The following CC2D2A variants were observed in gnomAD, a reference collection of about 807,000 sequenced individuals.
The protein encoded by CC2D2A is coiled-coil and C2 domain-containing protein 2A.
In CC2D2A, 155 loss-of-function variants were observed where a neutral mutation model predicts 212.9. The ratio of observed to expected loss-of-function variants is 0.73; its 90% CI spans 0.64 to 0.83. The LOEUF is 0.83. Among genes scored for constraint, CC2D2A ranks in the 40% least tolerant of loss-of-function variants. CC2D2A has a pLI of 0.00. For synonymous variants in CC2D2A, 667 were observed against 686.5 expected (o/e 0.97, Z 0.44); for missense variants, 1,856 against 1,956.2 (o/e 0.95, Z 0.97).
chr4:15,557,408 AT>A lies in CC2D2A; in HGVS notation c.2733del (p.Phe911LeufsTer44). The A allele has an allele frequency of 6.2e-7, 1 of 1,613,584 alleles. No individual in the cohort carries two copies. Among genetic ancestry groups the A allele is most frequent in the Non-Finnish European group, 8.5e-7 (1 of 1,179,648 alleles). ...SDQELNRSKR[F>X]RLLHLRSQEV... ...ATCAAGAATTAAATAGATCCAAACG[AT>A]TTAGGCTTCTTCATCTTAGAAGCCA... On this transcript the variant is annotated frameshift_variant, in exon 21 of 37. Coordinates refer to ENST00000424120, the MANE Select transcript of CC2D2A (RefSeq NM_001378615.1). LOFTEE classifies it high-confidence loss of function.
chr4:15,589,739 C>A lies in CC2D2A; in HGVS notation c.4314+60C>A, dbSNP rs185581461. 2.6e-3 allele frequency: 3,152 copies of A among 1,207,672 alleles called. 8 individuals are homozygous for A. Among genetic ancestry groups the A allele is most frequent in the Non-Finnish European group, 2.7e-3 (2,552 of 933,508 alleles). The allele number at this position is 1,207,672 out of a possible 1,614,324, so 74.8% of individuals were successfully genotyped here. ...CTGTCGTTTCTTTTAAATAACTGACCTATTGATTTAAATATTTTATGTAAC... is the reference window on the plus strand; with the variant it reads ...CTGTCGTTTCTTTTAAATAACTGACATATTGATTTAAATATTTTATGTAAC... On this transcript the variant is annotated intron_variant, in intron 33 of 36. Transcript: ENST00000424120.
chr4:15,571,488 A>G (rs1428375926), intron 28 of CC2D2A, among the ~76,000 whole-genome samples: 1 of 152,106 alleles, frequency 6.6e-6, no homozygotes, highest in Non-Finnish European at 1.5e-5. Flanking sequence ...TGTCTGGACC[A>G]CAGACTCTCC....
At position 15,472,350 on chromosome 4, in the gene CC2D2A, T is replaced by C. The variant is rs141214889; in HGVS notation, c.-19+2293T>C. On this transcript the variant is annotated intron_variant, in intron 1 of 36. Transcript: ENST00000424120. ...TAAGTGTGCAGTAAATCATAGCTAT[T>C]TTGATGTTGCCAGTAGGAATATATT... Among the ~76,000 whole-genome samples, 116 of 152,264 alleles carry C rather than the reference T, an allele frequency of 7.6e-4. 1 individual carries two copies. Among genetic ancestry groups the C allele is most frequent in the African/African-American group, 2.7e-3 (111 of 41,564 alleles).
intron 29 of CC2D2A, chr4:15,576,360 G>A: frequency 1.1e-5 from 11 of 984,180 alleles, no homozygotes; most frequent in Non-Finnish European, 1.3e-5. Context: ...TCCACTTACA[G>A]CAATACTTCC....
chr4:15,536,209 C>G (rs1170270299), intron 14 of CC2D2A, among the ~76,000 whole-genome samples: 1 of 149,788 alleles, frequency 6.7e-6, no homozygotes, highest in East Asian at 2.0e-4. Flanking sequence ...ATCACAAGGA[C>G]AGAAAACCAA....
chr4:15,541,400 T>C (rs956886778), intron 17 of CC2D2A, among the ~76,000 whole-genome samples: 1 of 152,122 alleles, frequency 6.6e-6, no homozygotes, highest in Admixed American at 6.5e-5. Context: ...TTGAGATGAT[T>C]TTAAATCATC....
At chr4:15,545,586 G>A (rs1718668420) in intron 17 of CC2D2A, among the ~76,000 whole-genome samples, 1 of 152,110 alleles carries the variant, frequency 6.6e-6, no homozygotes, top group South Asian at 2.1e-4. Flanking sequence ...GTAACCATAA[G>A]GCTCAGAGCT....
chr4:15,478,922 T>G, intron 3 of CC2D2A, 116 bp downstream of exon 3: 1 of 863,956 alleles, frequency 1.2e-6, no homozygotes, highest in Non-Finnish European at 1.9e-6. Context: ...TACCAACTTT[T>G]GGCCTGCTCT....
At chr4:15,545,173 T>C (rs1197303089) in intron 17 of CC2D2A, among the ~76,000 whole-genome samples, 1 of 152,174 alleles carries the variant, frequency 6.6e-6, no homozygotes, top group Non-Finnish European at 1.5e-5. Flanking sequence ...ATTGCTAGAT[T>C]TAAACTAGGG....
chr4:15,516,456 G>T (rs1469158089), intron 10 of CC2D2A, among the ~76,000 whole-genome samples, 169 bp from the exon 11 acceptor site: 1 of 152,152 alleles, frequency 6.6e-6, no homozygotes, highest in African/African-American at 2.4e-5. Flanking sequence ...AGAAGTGTTA[G>T]TGAAGACTTG....
chr4:15,575,707 T>C (rs1351796875), intron 29 of CC2D2A, among the ~76,000 whole-genome samples: 1 of 152,242 alleles, frequency 6.6e-6, no homozygotes, highest in Non-Finnish European at 1.5e-5. Context: ...TCTCTAGATA[T>C]ATGCATTTCA....
chr4:15,519,392 G>T (rs1416673027), intron 11 of CC2D2A: 1 of 409,906 alleles, frequency 2.4e-6, no homozygotes, highest in Non-Finnish European at 4.8e-6. Flanking sequence ...AGTCTCTAGG[G>T]AGTTCCAAAC....
chr4:15,478,632 C>T, intron 2 of CC2D2A, 91 bp from the exon 3 acceptor site: 2 of 906,952 alleles, frequency 2.2e-6, no homozygotes, highest in Non-Finnish European at 3.4e-6. Context: ...GATAGAAGCC[C>T]AGGGTCAAGA....
chr4:15,590,282 A>G (rs1021037894), intron 33 of CC2D2A, among the ~76,000 whole-genome samples: 1 of 152,246 alleles, frequency 6.6e-6, no homozygotes, highest in East Asian at 1.9e-4. Context: ...TGGGAGGCCA[A>G]GGTGGGTGGG....
intron 33 of CC2D2A, 108 bp downstream of exon 33, chr4:15,589,787 A>T: frequency 3.3e-6 from 1 of 299,472 alleles, no homozygotes; most frequent in Non-Finnish European, 5.2e-6. Context: ...ATAAATGAAT[A>T]TATATATATA....
At chr4:15,561,427 A>T (rs963713425) in intron 23 of CC2D2A, among the ~76,000 whole-genome samples, 6 of 152,186 alleles carry the variant, frequency 3.9e-5, no homozygotes, top group African/African-American at 1.4e-4. Flanking sequence ...GGCTACACCC[A>T]CATAAATCCA....
At chr4:15,507,771 T>C (rs1339067911) in intron 6 of CC2D2A, among the ~76,000 whole-genome samples, 1 of 152,224 alleles carries the variant, frequency 6.6e-6, no homozygotes, top group Non-Finnish European at 1.5e-5. Context: ...AACGTAACAG[T>C]GGCCTCGGAC....
chr4:15,536,102 T>C (rs1055253638), intron 14 of CC2D2A, among the ~76,000 whole-genome samples: 3 of 152,226 alleles, frequency 2.0e-5, no homozygotes, highest in Non-Finnish European at 4.4e-5. Context: ...TGAACTGGGC[T>C]GATCTCCTGG....
chr4:15,549,942 A>G (rs532314024), intron 17 of CC2D2A, among the ~76,000 whole-genome samples: 1 of 152,340 alleles, frequency 6.6e-6, no homozygotes, highest in East Asian at 1.9e-4. Flanking sequence ...AAATATAAAG[A>G]TTAATCAGTG....
Sources: allele counts gnomAD v4.1 joint callset (sites outside exome capture counted in the v4.1 genomes callset), GRCh38; gene constraint gnomAD v4.1.1; transcripts MANE v1.5; gene names NCBI Gene and HGNC (gene_info 2026-07-23, HGNC 2026-07-21).